The following NTRK3 variants were observed in gnomAD, a reference collection of about 807,000 sequenced individuals.
NTRK3 encodes the protein neurotrophic receptor tyrosine kinase 3.
NTRK3 carries 24 observed loss-of-function variants against 91.7 expected under a neutral mutation model. The ratio of observed to expected loss-of-function variants is 0.26; its 90% CI spans 0.19 to 0.37. The LOEUF (loss-of-function observed/expected upper bound fraction) is 0.37. Ranked by LOEUF, NTRK3 falls within the 10% of genes least tolerant of loss-of-function variation. The pLI is 1.00. For missense variants in NTRK3, 880 were observed against 1,068.9 expected (o/e 0.82, Z 2.46); for synonymous variants, 483 against 404.0 (o/e 1.20, Z -2.34).
intron 13 of NTRK3, among the ~76,000 whole-genome samples, chr15:88,071,299 T>C (rs938192266): frequency 2.0e-5 from 3 of 152,238 alleles, no homozygotes; most frequent in Non-Finnish European, 4.4e-5. Flanking sequence ...GGGAGGCCTC[T>C]CTTCACCTTG....
chr15:88,228,328 A>C (rs1598064842), intron 3 of NTRK3, among the ~76,000 whole-genome samples: 2 of 151,188 alleles, frequency 1.3e-5, no homozygotes, highest in African/African-American at 2.4e-5. Context: ...GAGATTCCAC[A>C]CCTCCCGCTG....
At chr15:87,896,279 C>T (rs982181686) in intron 17 of NTRK3, among the ~76,000 whole-genome samples, 4 of 152,066 alleles carry the variant, frequency 2.6e-5, no homozygotes, top group East Asian at 3.9e-4. Flanking sequence ...GAGATCATCC[C>T]GGCCAATATG....
At chr15:88,155,689 A>G (rs1356446919) in intron 5 of NTRK3, among the ~76,000 whole-genome samples, 1 of 152,244 alleles carries the variant, frequency 6.6e-6, no homozygotes, top group Non-Finnish European at 1.5e-5. Context: ...AGACACAAAT[A>G]CCACGTGAAA....
intron 5 of NTRK3, among the ~76,000 whole-genome samples, chr15:88,171,189 A>G (rs1430889021): frequency 6.6e-6 from 1 of 152,204 alleles, no homozygotes; most frequent in Non-Finnish European, 1.5e-5. Flanking sequence ...CCAGCAAGCC[A>G]TGCTCTAAAT....
Position 88,175,470 on chromosome 15 carries a change from TCA to T in NTRK3, c.395+7946_395+7947del, listed in dbSNP as rs545674746. 4.1e-4 allele frequency among the ~76,000 whole-genome samples: 62 copies of T among 152,332 alleles called. No individual in the cohort carries two copies. The South Asian group carries it at 7.7e-3, about 19-fold the overall frequency. On this transcript the variant is annotated intron_variant, in intron 5 of 18. Coordinates refer to ENST00000394480, the Ensembl canonical transcript of NTRK3. ...TACAATTCAAAAGTTTTTCATATAT[TCA>T]CAGAGTTGTGAATCAATTTTAGAAT...
At chr15:88,071,720 C>T (rs150969847) in intron 13 of NTRK3, among the ~76,000 whole-genome samples, 33 of 152,316 alleles carry the variant, frequency 2.2e-4, no homozygotes, top group African/African-American at 6.3e-4. Context: ...CTTGAAAGCG[C>T]TGATGCTCCT....
rs185513778 is a variant in NTRK3 at position 88,062,326 on chromosome 15, T to C, written c.1397-29281A>G. On this transcript the variant is annotated intron_variant, in intron 13 of 18. Coordinates refer to ENST00000394480, the Ensembl canonical transcript of NTRK3. ...CCATAAATGATAACAGTTTCTGGCA[T>C]TGACTAGCAGGTGCCTCCTACCCCT... is the stretch of plus-strand genomic sequence containing the variant. 3.2e-4 allele frequency among the ~76,000 whole-genome samples: 49 copies of C among 152,376 alleles called. No individual in the cohort carries two copies. The Middle Eastern group carries it at 0.01, about 32-fold the overall frequency.
intron 3 of NTRK3, among the ~76,000 whole-genome samples, chr15:88,185,693 C>A (rs2046886304): frequency 1.3e-5 from 2 of 152,142 alleles, no homozygotes; most frequent in Non-Finnish European, 2.9e-5. Context: ...CTAACCCAGG[C>A]ACACTCTGTC....
At chr15:87,997,438 C>G (rs1199624885) in intron 14 of NTRK3, among the ~76,000 whole-genome samples, 1 of 152,170 alleles carries the variant, frequency 6.6e-6, no homozygotes, top group Non-Finnish European at 1.5e-5. Flanking sequence ...GTGAATACAA[C>G]TGCATTCTTA....
intron 3 of NTRK3, among the ~76,000 whole-genome samples, chr15:88,217,762 C>A (rs1366560157): frequency 5.5e-5 from 3 of 54,790 alleles, no homozygotes; most frequent in African/African-American, 5.6e-5. Flanking sequence ...TTTTGTAGCA[C>A]AATTTTTTTT....
intron 5 of NTRK3, among the ~76,000 whole-genome samples, chr15:88,151,108 A>G (rs7174786): frequency 0.011 from 1,620 of 152,208 alleles, 34 homozygotes; most frequent in African/African-American, 0.037. Context: ...GCTTGGGTCA[A>G]TGGCCAGTTT....
chr15:88,168,387 A>G (rs1055423612), intron 5 of NTRK3, among the ~76,000 whole-genome samples: 4 of 152,114 alleles, frequency 2.6e-5, no homozygotes, highest in Non-Finnish European at 5.9e-5. Flanking sequence ...GGAAGGGAGG[A>G]GTACAAAGAA....
At chr15:87,896,529 A>G (rs1432947157) in intron 17 of NTRK3, among the ~76,000 whole-genome samples, 1 of 151,850 alleles carries the variant, frequency 6.6e-6, no homozygotes, top group Non-Finnish European at 1.5e-5. Context: ...TATATATATT[A>G]CAGAGTTTGA....
chr15:88,135,358 C>T (rs201426743), exon 10 of NTRK3: 109 of 1,614,130 alleles, frequency 6.8e-5, no homozygotes, highest in Non-Finnish European at 8.8e-5. Flanking sequence ...GTGCTCCAGG[C>T]GCAGCTCAGG....
In NTRK3 at chr15:87,929,461, G is replaced by T. The variant is rs772953002; in HGVS notation, c.1890-27C>A. Reference sequence around the variant, plus strand: ...TGCAAGAGCATGGGGAGAAGAGAGGGGGCAGAGAGAAATCAGGAGATCAAG... The same window carrying T: ...TGCAAGAGCATGGGGAGAAGAGAGGTGGCAGAGAGAAATCAGGAGATCAAG... On this transcript the variant is annotated intron_variant, in intron 16 of 18. Transcript: ENST00000394480. The T allele has an allele frequency of 3.7e-5, 60 of 1,611,686 alleles. No individual in the cohort carries two copies. The Admixed American group carries it at 9.7e-4, about 26-fold the overall frequency.
Position 88,215,836 on chromosome 15 carries a change from A to G in NTRK3, c.249-31537T>C, listed in dbSNP as rs143141530. ...TCATATGCAAAGAATATGAAATTGAAAAATGCAAACATGAATGCAAAGATT... is the reference window on the plus strand; with the variant it reads ...TCATATGCAAAGAATATGAAATTGAGAAATGCAAACATGAATGCAAAGATT... On this transcript the variant is annotated intron_variant, in intron 3 of 18. Transcript: ENST00000394480. Among the ~76,000 whole-genome samples, 825 of 152,336 alleles carry G rather than the reference A, an allele frequency of 5.4e-3. 2 individuals are homozygous for G. Among genetic ancestry groups the G allele is most frequent in the Admixed American group, 9.1e-3 (139 of 15,314 alleles).
chr15:88,236,921 C>G (rs1197502375), intron 3 of NTRK3, among the ~76,000 whole-genome samples: 2 of 152,156 alleles, frequency 1.3e-5, no homozygotes, highest in African/African-American at 2.4e-5. Flanking sequence ...TGGTAATGTT[C>G]TGTCTCTCAC....
At position 87,976,384 on chromosome 15, in the gene NTRK3, T is replaced by C. The variant is rs116958216; in HGVS notation, c.1586-35631A>G. 5.8e-3 allele frequency among the ~76,000 whole-genome samples: 886 copies of C among 152,352 alleles called. 5 individuals are homozygous for C. Among genetic ancestry groups the C allele is most frequent in the Non-Finnish European group, 9.9e-3 (671 of 68,030 alleles). On this transcript the variant is annotated intron_variant, in intron 14 of 18. Coordinates refer to ENST00000394480, the Ensembl canonical transcript of NTRK3. ...CACCAACCTAGCCTGATCAACTTCC[T>C]GTCAGACTGGAACGTGAGCTCTTCC... is the stretch of plus-strand genomic sequence containing the variant.
intron 3 of NTRK3, among the ~76,000 whole-genome samples, chr15:88,248,528 G>A (rs1410072485): frequency 6.6e-6 from 1 of 152,124 alleles, no homozygotes; most frequent in African/African-American, 2.4e-5. Flanking sequence ...GTGTGTGTGT[G>A]TGTGTGTGTG....
Sources: gnomAD v4.1 joint callset for allele counts (sites outside exome capture counted in the v4.1 genomes callset) on GRCh38, gnomAD v4.1.1 for gene constraint, MANE v1.5 for transcripts, NCBI Gene and HGNC (gene_info 2026-07-23, HGNC 2026-07-21) for gene names.